Variants in ICE1 observed in about 807,000 individuals in gnomAD.
The protein encoded by ICE1 is little elongation complex subunit 1.
ICE1 carries 64 observed loss-of-function variants against 192.7 expected under a neutral mutation model. The ratio of observed to expected loss-of-function variants is 0.33; its 90% CI spans 0.27 to 0.41. ICE1 has a LOEUF of 0.41. Among genes scored for constraint, ICE1 ranks in the 10% least tolerant of loss-of-function variants. The pLI, the probability that ICE1 is intolerant of heterozygous loss-of-function variation, is 1.00. For synonymous variants in ICE1, 1,010 were observed against 984.5 expected (o/e 1.03, Z -0.49); for missense variants, 2,708 against 2,696.0 (o/e 1.00, Z -0.10).
At chr5:5,482,043 CTT>C (rs1049477491) in intron 17 of ICE1, among the ~76,000 whole-genome samples, 2 of 152,182 alleles carry the variant, frequency 1.3e-5, no homozygotes, top group African/African-American at 4.8e-5. Context: ...TCACAAAACT[CTT>C]TTAAAGAAAA....
At chr5:5,437,217 T>C (rs1737894464) in intron 3 of ICE1, 103 bp downstream of exon 3, 1 of 824,054 alleles carries the variant, frequency 1.2e-6, no homozygotes, top group African/African-American at 1.7e-5. Context: ...TGGAAGATAG[T>C]ACTTAACAGG....
intron 1 of ICE1, among the ~76,000 whole-genome samples, chr5:5,428,423 C>T (rs1360330509): frequency 6.6e-6 from 1 of 152,234 alleles, no homozygotes; most frequent in African/African-American, 2.4e-5. Context: ...AGCCAGATCT[C>T]TCCCAGCAAA....
intron 17 of ICE1, among the ~76,000 whole-genome samples, chr5:5,476,432 A>G (rs1178764952): frequency 6.6e-6 from 1 of 152,170 alleles, no homozygotes; most frequent in Non-Finnish European, 1.5e-5. Context: ...CCATTCTTGC[A>G]TTGCTATATA....
At position 5,462,013 on chromosome 5, in the gene ICE1, C is replaced by A. The variant is rs761603598; in HGVS notation, c.2679C>A (p.Gly893=). Residue 893 remains glycine, a synonymous_variant, in exon 13 of 19, where the codon GGC becomes GGA. Coordinates refer to ENST00000296564, the MANE Select transcript of ICE1 (RefSeq NM_015325.3). ...VEPTLVTENS[G]NKTGMSTVAK... ...CTACCTTAGTAACAGAAAATAGTGG[C>A]AACAAAACCGGTATGTCAACTGTAG... is the stretch of plus-strand genomic sequence containing the variant. 6.2e-7 allele frequency: 1 copy of A among 1,613,906 alleles called. No homozygotes were observed. Among genetic ancestry groups the A allele is most frequent in the Non-Finnish European group, 8.5e-7 (1 of 1,179,880 alleles).
chr5:5,488,792 C>T (rs971757198), intron 18 of ICE1, among the ~76,000 whole-genome samples: 3 of 152,130 alleles, frequency 2.0e-5, no homozygotes, highest in Non-Finnish European at 2.9e-5. Flanking sequence ...TTTAGGATCA[C>T]GTTTTATTAA....
At chr5:5,429,023 A>G (rs998921788) in intron 1 of ICE1, among the ~76,000 whole-genome samples, 5 of 152,334 alleles carry the variant, frequency 3.3e-5, no homozygotes, top group Admixed American at 3.3e-4. Context: ...GAGTGAAGTC[A>G]GTAAAGGGAA....
intron 10 of ICE1, among the ~76,000 whole-genome samples, chr5:5,451,295 A>G (rs1253174345): frequency 6.6e-6 from 1 of 152,220 alleles, no homozygotes; most frequent in Non-Finnish European, 1.5e-5. Flanking sequence ...GAATATGTTA[A>G]GGCCTTACGT....
At chr5:5,466,650 C>G in intron 14 of ICE1, 148 bp downstream of exon 14, 1 of 665,966 alleles carries the variant, frequency 1.5e-6, no homozygotes, top group Non-Finnish European at 2.5e-6. Flanking sequence ...CTATACCCAG[C>G]TGCACCTGGT....
At chr5:5,449,549 A>G (rs1302604473) in intron 10 of ICE1, among the ~76,000 whole-genome samples, 2 of 152,190 alleles carry the variant, frequency 1.3e-5, no homozygotes, top group African/African-American at 2.4e-5. Flanking sequence ...CACAGCAGAT[A>G]GTATCAATTG....
At chr5:5,431,246 G>T (rs998371792) in intron 1 of ICE1, among the ~76,000 whole-genome samples, 1 of 152,266 alleles carries the variant, frequency 6.6e-6, no homozygotes, top group South Asian at 2.1e-4. Flanking sequence ...AAAAGAGGAA[G>T]AATCACTTTT....
intron 11 of ICE1, among the ~76,000 whole-genome samples, chr5:5,457,026 G>A (rs768408994): frequency 1.2e-4 from 18 of 152,112 alleles, no homozygotes; most frequent in East Asian, 1.9e-4. Context: ...TCCAGAGACC[G>A]AGTGAGCCAG....
chr5:5,472,437 A>G (rs1579574473), intron 15 of ICE1, among the ~76,000 whole-genome samples: 1 of 152,190 alleles, frequency 6.6e-6, no homozygotes, highest in Non-Finnish European at 1.5e-5. Context: ...CATGTTCACA[A>G]TTACTGCCAA....
chr5:5,458,926 A>G (rs1402478724), intron 12 of ICE1, among the ~76,000 whole-genome samples: 5 of 151,976 alleles, frequency 3.3e-5, no homozygotes, highest in Admixed American at 2.6e-4. Flanking sequence ...AGACTGGAGC[A>G]CAGTGGCGCG....
At chr5:5,454,896 G>A (rs1404847196) in intron 11 of ICE1, among the ~76,000 whole-genome samples, 1 of 152,102 alleles carries the variant, frequency 6.6e-6, no homozygotes, top group African/African-American at 2.4e-5. Flanking sequence ...TCTGGCAGGT[G>A]GAGAGGGGAT....
chr5:5,423,111 C>T lies in ICE1; in HGVS notation c.84+112C>T, dbSNP rs557010287. The T allele has an allele frequency of 3.1e-4, 168 of 539,756 alleles. 4 individuals carry two copies. In the South Asian group the frequency reaches 4.5e-3, roughly 15 times the overall value. 33.4% of individuals were successfully genotyped at this position (539,756 alleles called of 1,614,324 possible). On this transcript the variant is annotated intron_variant, in intron 1 of 18. Transcript: ENST00000296564. ...GCTGTGCCTCAGTGCGCTGCTCTCC[C>T]TTCCCAACCGTAGCTCTTGCTCGCT...
chr5:5,438,334 G>A (rs941022873), intron 3 of ICE1, among the ~76,000 whole-genome samples: 46 of 152,208 alleles, frequency 3.0e-4, no homozygotes, highest in Non-Finnish European at 6.0e-4. Context: ...ATGAGATTTT[G>A]GGTGGGGACA....
Position 5,447,751 on chromosome 5 carries a change from A to G in ICE1, c.538A>G (p.Asn180Asp). The G allele has an allele frequency of 6.3e-7, 1 of 1,585,808 alleles. No individual in the cohort carries two copies. The highest frequency in any genetic ancestry group is 8.6e-7 in the Non-Finnish European group (1 of 1,163,970). ...GCTTGACGAATTTTCTAAACAGAAA[A>G]ATGAAAAGGGTGAGTATTCAGTTAA... ...ERLDEFSKQK[N>D]EKELRHIGTQ... is the part of the protein sequence containing the mutation. Residue 180 changes from asparagine to aspartate, a missense_variant, in exon 9 of 19, where the codon AAT (asparagine) becomes GAT (aspartate). Physicochemically the swap from Asn to Asp is conservative, Grantham distance 23. Around this residue, in one of 2 missense-constraint regions of ICE1, gnomAD observed 2,366 missense variants for 2,276.6 expected, o/e 1.04. Transcript: ENST00000296564.
chr5:5,477,084 CTGTCT>C (rs1263360026), intron 17 of ICE1, among the ~76,000 whole-genome samples: 2 of 151,188 alleles, frequency 1.3e-5, no homozygotes, highest in African/African-American at 4.9e-5. Context: ...TTTTTTTCCT[CTGTCT>C]TGTCTTCAAC....
chr5:5,465,159 T>C lies in ICE1; in HGVS notation c.5825T>C (p.Ile1942Thr). 2 of 1,607,916 alleles carry C rather than the reference T, an allele frequency of 1.2e-6. No homozygotes were observed. Among genetic ancestry groups the C allele is most frequent in the Non-Finnish European group, 1.7e-6 (2 of 1,176,746 alleles). ...VIRSHVYVGNISKKPVMRDQE... is the reference protein window; with the variant it reads ...VIRSHVYVGNTSKKPVMRDQE... Reference sequence around the variant, plus strand: ...CGTAGTCATGTGTATGTGGGAAATATCTCCAAAAAGCCCGTAATGAGAGAT... The same window carrying C: ...CGTAGTCATGTGTATGTGGGAAATACCTCCAAAAAGCCCGTAATGAGAGAT... Residue 1942 changes from isoleucine (I) to threonine (T), a missense_variant, in exon 13 of 19, where the codon ATC becomes ACC. This residue lies in a region of ICE1 where 342 missense variants were observed against 419.3 expected (regional missense o/e 0.82). Transcript: ENST00000296564.
Sources: gnomAD v4.1 joint callset for allele counts (sites outside exome capture counted in the v4.1 genomes callset) on GRCh38, gnomAD v4.1.1 for gene constraint, gnomAD v4.1.1 regional missense constraint, MANE v1.5 for transcripts, NCBI Gene and HGNC (gene_info 2026-07-23, HGNC 2026-07-21) for gene names.